Variants in ZDHHC7 observed in about 807,000 individuals in gnomAD.
The protein encoded by ZDHHC7 is zDHHC palmitoyltransferase 7.
In ZDHHC7, 12 loss-of-function variants were observed where a neutral mutation model predicts 34.1. That is an observed-to-expected ratio of 0.35 (90% CI 0.23 to 0.57). ZDHHC7 has a LOEUF of 0.57. ZDHHC7 is among the 20% of genes least tolerant of loss of function. The pLI is 0.84. For missense variants in ZDHHC7, 388 were observed against 402.7 expected, an observed-to-expected ratio of 0.96 and a Z score of 0.31; for synonymous variants, 185 against 155.4, an observed-to-expected ratio of 1.19 and a Z score of -1.42.
In ZDHHC7 at chr16:84,976,251, C is replaced by T. The variant is rs2072295213; in HGVS notation, c.*92G>A. 2.0e-6 allele frequency: 3 copies of T among 1,508,930 alleles called. No homozygotes were observed. The highest frequency in any genetic ancestry group is 2.1e-5 in the Admixed American group (1 of 48,092). 93.5% of individuals were successfully genotyped at this position (1,508,930 alleles called of 1,614,324 possible). A position where few individuals can be genotyped will look rare whatever the true frequency, so the allele number is the denominator to read the frequency against. On this transcript the variant is annotated 3_prime_UTR_variant, in exon 8 of 8. Transcript: ENST00000313732. Reference sequence around the variant, plus strand: ...ATTGGTTTGTGTAGGTTCCAGTTGCCCTGTTGGTCACAGATGAGCTGTTGA... The same window carrying T: ...ATTGGTTTGTGTAGGTTCCAGTTGCTCTGTTGGTCACAGATGAGCTGTTGA...
the ZDHHC7 span, among the ~76,000 whole-genome samples, chr16:85,025,205 G>A: frequency 4.9e-3 from 743 of 152,128 alleles, 7 homozygotes; most frequent in Non-Finnish European, 6.8e-3. Context: ...TTGAATTCAG[G>A]AGGTGGAGGT....
chr16:84,995,317 CCACACAAG>C (rs1468591078), intron 2 of ZDHHC7, among the ~76,000 whole-genome samples: 2 of 152,210 alleles, frequency 1.3e-5, no homozygotes, highest in African/African-American at 4.8e-5. Flanking sequence ...AAAGGGACAA[CCACACAAG>C]CAAAAACTTT....
At chr16:85,007,843 A>G (rs972399798) in intron 1 of ZDHHC7, among the ~76,000 whole-genome samples, 6 of 152,074 alleles carry the variant, frequency 3.9e-5, no homozygotes, top group Non-Finnish European at 8.8e-5. Flanking sequence ...TATGTAGTAA[A>G]TAATTTAACC....
At chr16:84,993,773 ATCT>A (rs1567500620) in intron 2 of ZDHHC7, among the ~76,000 whole-genome samples, 1 of 152,222 alleles carries the variant, frequency 6.6e-6, no homozygotes, top group Non-Finnish European at 1.5e-5. Context: ...CTGAACCTAC[ATCT>A]TCTGCATCTG....
intron 3 of ZDHHC7, among the ~76,000 whole-genome samples, chr16:84,989,208 C>G (rs1347360460): frequency 6.6e-6 from 1 of 152,202 alleles, no homozygotes; most frequent in Non-Finnish European, 1.5e-5. Flanking sequence ...AGGTACCACT[C>G]CCCAGCTGCC....
the ZDHHC7 span, among the ~76,000 whole-genome samples, chr16:85,023,411 C>G: frequency 6.6e-6 from 1 of 151,936 alleles, no homozygotes; most frequent in African/African-American, 2.4e-5. Flanking sequence ...GTGATCCACC[C>G]GCCTCGGCCT....
At chr16:84,992,984 GT>G (rs1257249136) in intron 2 of ZDHHC7, among the ~76,000 whole-genome samples, 1 of 152,164 alleles carries the variant, frequency 6.6e-6, no homozygotes, top group Admixed American at 6.5e-5. Flanking sequence ...AAATGAAATT[GT>G]TTTCCAAAGT....
At chr16:85,001,656 T>C (rs79844203) in intron 1 of ZDHHC7, among the ~76,000 whole-genome samples, 4,989 of 152,178 alleles carry the variant, frequency 0.033, 125 homozygotes, top group Non-Finnish European at 0.05. Flanking sequence ...CATCCACACA[T>C]ATATTTACTT....
chr16:84,995,378 C>T (rs1263140526), intron 2 of ZDHHC7, among the ~76,000 whole-genome samples: 1 of 152,246 alleles, frequency 6.6e-6, no homozygotes, highest in Non-Finnish European at 1.5e-5. Flanking sequence ...GTAATCCCAG[C>T]ACTTTGGGAG....
Position 84,976,940 on chromosome 16 carries a change from G to C in ZDHHC7, c.750+155C>G, listed in dbSNP as rs142417183. On this transcript the variant is annotated intron_variant, in intron 7 of 7. Transcript: ENST00000313732. ...GAAATATGCACTGCCCAGAATGAAA[G>C]AAACAGCAAACACAGGGAGCTGGTT... Among the ~76,000 whole-genome samples the C allele has an allele frequency of 4.6e-5, 7 of 152,316 alleles. No individual in the cohort carries two copies. In the East Asian group the frequency reaches 5.8e-4, roughly 13 times the overall value.
intron 1 of ZDHHC7, among the ~76,000 whole-genome samples, chr16:85,005,816 G>C (rs1170911131): frequency 2.0e-5 from 3 of 152,192 alleles, no homozygotes; most frequent in African/African-American, 4.8e-5. Flanking sequence ...CATAGAGCTA[G>C]CGTCTTTTTC....
At chr16:85,021,336 C>G in the ZDHHC7 span, among the ~76,000 whole-genome samples, 10 of 147,238 alleles carry the variant, frequency 6.8e-5, no homozygotes, top group African/African-American at 2.6e-4. Context: ...CGTTTGAACC[C>G]AGGAGGCGGA....
At chr16:85,008,551 C>A (rs1025064551) in intron 1 of ZDHHC7, among the ~76,000 whole-genome samples, 1 of 150,742 alleles carries the variant, frequency 6.6e-6, no homozygotes, top group East Asian at 2.0e-4. Context: ...CAAGTGAGGG[C>A]AGTCCTGTGT....
rs372570382 is a variant in ZDHHC7, at chr16:84,977,910, G to C, written c.619+14C>G. Reference sequence around the variant, plus strand: ...CATGCAAAGCCAGGAATGACACATAGCCAGGGAACTTACCAGTCCACTGCC... The same window carrying C: ...CATGCAAAGCCAGGAATGACACATACCCAGGGAACTTACCAGTCCACTGCC... On this transcript the variant is annotated intron_variant, in intron 6 of 7. Transcript: ENST00000313732. 1.6e-5 allele frequency: 26 copies of C among 1,607,726 alleles called. No homozygotes were observed. Among genetic ancestry groups the C allele is most frequent in the Non-Finnish European group, 1.9e-5 (22 of 1,174,974 alleles).
chr16:85,023,337 G>C, the ZDHHC7 span, among the ~76,000 whole-genome samples: 1 of 151,672 alleles, frequency 6.6e-6, no homozygotes, highest in Non-Finnish European at 1.5e-5. Context: ...GCTAATTTTC[G>C]TATTTTTAGT....
At chr16:85,022,591 T>C in the ZDHHC7 span, among the ~76,000 whole-genome samples, 1 of 152,166 alleles carries the variant, frequency 6.6e-6, no homozygotes, top group African/African-American at 2.4e-5. Flanking sequence ...CATTAATGGA[T>C]GCTAAACCAC....
chr16:85,026,531 G>A, the ZDHHC7 span, among the ~76,000 whole-genome samples: 428 of 151,792 alleles, frequency 2.8e-3, 1 homozygote, highest in Non-Finnish European at 4.9e-3. Context: ...GCAGCTCCCA[G>A]CTTTTTTCTT....
At position 84,977,915 on chromosome 16, in the gene ZDHHC7, G is replaced by T; in HGVS notation, c.619+9C>A. ...AAAGCCAGGAATGACACATAGCCAG[G>T]GAACTTACCAGTCCACTGCCCTCGG... On this transcript the variant is annotated intron_variant, in intron 6 of 7. Coordinates refer to ENST00000313732, the MANE Select transcript of ZDHHC7 (RefSeq NM_017740.3). 2 of 1,609,002 alleles carry T rather than the reference G, an allele frequency of 1.2e-6. No individual in the cohort carries two copies. The highest frequency in any genetic ancestry group is 2.7e-5 in the African/African-American group (2 of 74,860).
chr16:84,987,428 G>A (rs1189209512), intron 3 of ZDHHC7, among the ~76,000 whole-genome samples: 1 of 151,530 alleles, frequency 6.6e-6, no homozygotes, highest in Non-Finnish European at 1.5e-5. Context: ...TGGTGTGGAT[G>A]CTTCGATGTT....
Sources: allele counts gnomAD v4.1 joint callset (sites outside exome capture counted in the v4.1 genomes callset), GRCh38; gene constraint gnomAD v4.1.1; transcripts MANE v1.5; gene names NCBI Gene and HGNC (gene_info 2026-07-23, HGNC 2026-07-21).